The following CPZ variants were observed in gnomAD, a reference collection of about 807,000 sequenced individuals.
CPZ encodes VEZT/CPZ fusion.
Under a neutral mutation model 61.8 loss-of-function variants are expected in CPZ, and 103 were observed. That is an observed-to-expected ratio of 1.67 (90% CI 1.42 to 1.96). CPZ has a LOEUF of 1.96. Among genes scored for constraint, CPZ ranks in the 30% most tolerant of loss-of-function variants. The pLI is 0.00. For synonymous variants in CPZ, 551 were observed against 373.7 expected, an observed-to-expected ratio of 1.47 and a Z score of -5.47; for missense variants, 1,461 against 914.9, an observed-to-expected ratio of 1.60 and a Z score of -7.70.
chr4:8,612,141 G>T lies in CPZ; in HGVS notation c.1342G>T (p.Asp448Tyr). The T allele has an allele frequency of 6.5e-7, 1 of 1,543,962 alleles. No homozygotes were observed. The highest frequency in any genetic ancestry group is 8.8e-7 in the Non-Finnish European group (1 of 1,138,420). The change falls in exon 8 of 11, where the codon GAC (aspartate) becomes TAC (tyrosine). Residue 448 changes from aspartate to tyrosine, a missense_variant. By Grantham distance (160) the Asp-to-Tyr change is radical. Transcript: ENST00000360986. ...LKRGSIINGA[D>Y]WYSFTGGMSD... is the part of the protein sequence containing the mutation. ...GAGGGGGAGCATCATCAACGGGGCG[G>T]ACTGGTACAGCTTCACGGGAGGTGC...
intron 7 of CPZ, among the ~76,000 whole-genome samples, chr4:8,609,175 TTC>T (rs879385024): frequency 0.023 from 2,535 of 107,878 alleles, 46 homozygotes; most frequent in Middle Eastern, 0.036. Context: ...CACTCACCCA[TTC>T]ACTCAGGCAT....
chr4:8,593,482 G>C (rs1713951775), intron 1 of CPZ, among the ~76,000 whole-genome samples: 1 of 152,312 alleles, frequency 6.6e-6, no homozygotes, highest in African/African-American at 2.4e-5. Flanking sequence ...AGGTCTGCCC[G>C]CACGACCTCA....
At position 8,601,464 on chromosome 4, in the gene CPZ, G is replaced by A. The variant is rs866714178; in HGVS notation, c.463G>A (p.Glu155Lys). The A allele has an allele frequency of 2.6e-6, 4 of 1,519,806 alleles. No individual in the cohort carries two copies. Among genetic ancestry groups the A allele is most frequent in the African/African-American group, 1.4e-5 (1 of 73,388 alleles). The allele number at this position is 1,519,806 out of a possible 1,614,324, so 94.1% of individuals were successfully genotyped here. ...DCHRYFTRED[E>K]GCYDPLEKLR... ...CCACCGCTACTTCACGAGAGAGGAC[G>A]AGGGCTGCTATGACCCGCTGGAGAA... Residue 155 changes from glutamate to lysine, a missense_variant, in exon 3 of 11, where the codon GAG becomes AAG. Glu to Lys is a moderately conservative substitution (Grantham distance 56, BLOSUM62 1). Transcript: ENST00000360986.
At chr4:8,605,346 CCATTTATTCATTCAGCCATTACA>C (rs1714868303) in intron 4 of CPZ, among the ~76,000 whole-genome samples, 2 of 144,638 alleles carry the variant, frequency 1.4e-5, no homozygotes, top group African/African-American at 2.9e-5. Flanking sequence ...ATCCATCCAT[CCATTTATTCATTCAGCCATTACA>C]CATCCATCCA....
At chr4:8,607,507 C>G (rs910939625) in intron 7 of CPZ, 82 bp downstream of exon 7, 64 of 1,498,218 alleles carry the variant, frequency 4.3e-5, no homozygotes, top group Admixed American at 3.9e-4. Context: ...CAGTCCTGAG[C>G]TCAGTGAAGG....
At chr4:8,617,396 G>C (rs75704247) in intron 9 of CPZ, among the ~76,000 whole-genome samples, 2,799 of 152,300 alleles carry the variant, frequency 0.018, 32 homozygotes, top group Middle Eastern at 0.034. Flanking sequence ...CAGGGAAGGA[G>C]GATGCTCCTG....
chr4:8,605,537 C>T (rs529229812), intron 4 of CPZ, among the ~76,000 whole-genome samples: 2 of 148,372 alleles, frequency 1.3e-5, no homozygotes, highest in South Asian at 4.4e-4. Flanking sequence ...TTGATTTATC[C>T]ATCTATCCAT....
Position 8,592,909 on chromosome 4 carries a change from C to G in CPZ, c.76C>G (p.Arg26Gly), listed in dbSNP as rs982875969. 6.5e-7 allele frequency: 1 copy of G among 1,533,790 alleles called. No individual in the cohort carries two copies. Among genetic ancestry groups the G allele is most frequent in the South Asian group, 1.2e-5 (1 of 83,528 alleles). The change falls in exon 1 of 11, where the codon CGG becomes GGG. Residue 26 changes from arginine (R) to glycine (G), a missense_variant. Arg to Gly is a moderately radical substitution (Grantham distance 125). Coordinates refer to ENST00000360986, the MANE Select transcript of CPZ (RefSeq NM_001014447.3). ...AAARPGCEFE[R>G]NPAGECHRPP... ...TGCCCGGCCGGGGTGCGAGTTTGAGCGGAACCCCGCCGGTAAGGCCGTCCC... is the reference window on the plus strand; with the variant it reads ...TGCCCGGCCGGGGTGCGAGTTTGAGGGGAACCCCGCCGGTAAGGCCGTCCC...
intron 8 of CPZ, among the ~76,000 whole-genome samples, chr4:8,613,594 G>A (rs1025541602): frequency 1.8e-4 from 28 of 152,210 alleles, no homozygotes; most frequent in Admixed American, 5.9e-4. Context: ...TCAGAAGGGC[G>A]TGGGCTCCCT....
intron 9 of CPZ, among the ~76,000 whole-genome samples, chr4:8,617,160 C>G (rs1716244430): frequency 6.6e-6 from 1 of 152,360 alleles, no homozygotes; most frequent in East Asian, 1.9e-4. Context: ...TCGGTTTCTG[C>G]ATCGGTCACG....
chr4:8,613,717 A>G (rs1715912851), intron 8 of CPZ, among the ~76,000 whole-genome samples: 1 of 152,216 alleles, frequency 6.6e-6, no homozygotes, highest in African/African-American at 2.4e-5. Context: ...CAGAGGGCAG[A>G]AGCGGGTATG....
chr4:8,598,086 C>T (rs56179210), intron 1 of CPZ, among the ~76,000 whole-genome samples: 19,971 of 152,294 alleles, frequency 0.13, 1,714 homozygotes, highest in Non-Finnish European at 0.19. Flanking sequence ...GCCTGTTCCA[C>T]GCCCGGAGAG....
Position 8,612,068 on chromosome 4 carries a change from C to T in CPZ, c.1269C>T (p.Pro423=), listed in dbSNP as rs771780716. ...CCAGAGCCTACGCTGACGTCCACCC[C>T]ATGATGATGGACAGGTCGGAGAATA... is the stretch of plus-strand genomic sequence containing the variant. The part of the protein sequence containing the change: ...LLSRAYADVH[P]MMMDRSENRC... Residue 423 remains proline (P), a synonymous_variant, in exon 8 of 11, where the codon CCC becomes CCT. Transcript: ENST00000360986. The T allele has an allele frequency of 2.5e-6, 4 of 1,613,864 alleles. No homozygotes were observed. In the Admixed American group the frequency reaches 6.7e-5, roughly 27 times the overall value.
At chr4:8,617,491 A>G (rs561375324) in intron 9 of CPZ, among the ~76,000 whole-genome samples, 2 of 152,352 alleles carry the variant, frequency 1.3e-5, no homozygotes, top group South Asian at 2.1e-4. Context: ...TTAAAATTAT[A>G]CAACAGTCGA....
intron 9 of CPZ, among the ~76,000 whole-genome samples, chr4:8,617,500 G>A (rs543758049): frequency 1.5e-4 from 23 of 152,278 alleles, no homozygotes; most frequent in East Asian, 7.7e-4. Context: ...TACAACAGTC[G>A]ACATAAAGAT....
At chr4:8,614,949 C>T (rs1716038086) in intron 9 of CPZ, among the ~76,000 whole-genome samples, 1 of 152,066 alleles carries the variant, frequency 6.6e-6, no homozygotes, top group South Asian at 2.1e-4. Flanking sequence ...AAGGGGACAT[C>T]AAAACCCTCG....
At chr4:8,601,602 C>T (rs771992109) in intron 3 of CPZ, 105 bp downstream of exon 3, 67 of 1,224,602 alleles carry the variant, frequency 5.5e-5, no homozygotes, top group South Asian at 2.5e-4. Context: ...TCGACAGTGA[C>T]GGTGCAGGCA....
chr4:8,617,671 G>A (rs1361305404), intron 9 of CPZ, among the ~76,000 whole-genome samples: 3 of 152,260 alleles, frequency 2.0e-5, no homozygotes, highest in Admixed American at 1.3e-4. Context: ...TGCAGGGCCC[G>A]GGCAGGGGGC....
chr4:8,601,106 C>T lies in CPZ; in HGVS notation c.122-17C>T, dbSNP rs200176590. On this transcript the variant is annotated splice_polypyrimidine_tract_variant and intron_variant, in intron 2 of 10. Coordinates refer to ENST00000360986, the MANE Select transcript of CPZ (RefSeq NM_001014447.3). ...GCCACTGCAGGAGGGACTGACCTGC[C>T]GACCCTGCCTCCCCAGCCACCTGCG... 194 of 1,554,092 alleles carry T rather than the reference C, an allele frequency of 1.2e-4. No individual in the cohort carries two copies. Among genetic ancestry groups the T allele is most frequent in the Non-Finnish European group, 1.6e-4 (180 of 1,144,468 alleles).
Sources: allele counts gnomAD v4.1 joint callset (sites outside exome capture counted in the v4.1 genomes callset), GRCh38; gene constraint gnomAD v4.1.1; transcripts MANE v1.5; gene names NCBI Gene and HGNC (gene_info 2026-07-23, HGNC 2026-07-21).